The following PLOD3 variants were observed in gnomAD, a reference collection of about 807,000 sequenced individuals.
PLOD3 encodes multifunctional procollagen lysine hydroxylase and glycosyltransferase LH3.
Under a neutral mutation model 96.9 loss-of-function variants are expected in PLOD3, and 73 were observed. The ratio of observed to expected loss-of-function variants is 0.75; its 90% CI spans 0.62 to 0.92. The LOEUF (loss-of-function observed/expected upper bound fraction) is 0.92, where lower values mean the gene tolerates loss of function less well. Ranked by LOEUF, PLOD3 falls within the 40% of genes least tolerant of loss-of-function variation. PLOD3 has a pLI of 0.00. For synonymous variants in PLOD3, 454 were observed against 413.7 expected, an observed-to-expected ratio of 1.10 and a Z score of -1.18; for missense variants, 1,004 against 1,004.3, an observed-to-expected ratio of 1.00 and a Z score of 0.00.
At chr7:101,210,694 G>A (rs767361734) in intron 12 of PLOD3, 21 bp from the exon 13 acceptor site, 1 of 1,612,952 alleles carries the variant, frequency 6.2e-7, no homozygotes, top group South Asian at 1.1e-5. Context: ...CGACACCGCG[G>A]TCAGCTGGGA....
chr7:101,213,048 G>A, intron 7 of PLOD3, 59 bp downstream of exon 7: 2 of 1,096,490 alleles, frequency 1.8e-6, no homozygotes, highest in Non-Finnish European at 2.6e-6. Flanking sequence ...TCTCAGAAGG[G>A]TTGGAGGTGC....
rs1320100190 is a variant in PLOD3 at position 101,206,947 on chromosome 7, G to A, written c.1936-43C>T. 1.6e-5 allele frequency: 24 copies of A among 1,546,036 alleles called. 1 individual carries two copies. The highest frequency in any genetic ancestry group is 7.1e-5 in the South Asian group (6 of 83,948). ...AGAGGCTGCAGGGACAGCTGCGGGC[G>A]CAGGGGGTCTTTTATTTTGTATTAT... On this transcript the variant is annotated intron_variant, in intron 17 of 18. Transcript: ENST00000223127.
intron 16 of PLOD3, among the ~76,000 whole-genome samples, chr7:101,208,046 C>T (rs1584250457): frequency 2.0e-5 from 3 of 152,160 alleles, no homozygotes; most frequent in South Asian, 4.1e-4. Flanking sequence ...AGAGCTCGAC[C>T]GGCATGAGGC....
intron 1 of PLOD3, 48 bp from the exon 2 acceptor site, chr7:101,216,834 G>T: frequency 7.7e-7 from 1 of 1,291,426 alleles, no homozygotes; most frequent in Non-Finnish European, 1.1e-6. Context: ...CCAGCTCCGG[G>T]CCTCACGTGC....
At chr7:101,211,563 CG>C (rs1798180947) in intron 12 of PLOD3, 27 bp downstream of exon 12, 2 of 1,591,792 alleles carry the variant, frequency 1.3e-6, no homozygotes, top group South Asian at 1.1e-5. Flanking sequence ...TCGGAGGAGG[CG>C]GGGGGCTGCA....
Position 101,217,429 on chromosome 7 carries a change from G to A in PLOD3, c.-155C>T. ...GGCTGGGGCTACGCCCTGAAAAAAA[G>A]GCGTATCCGGAGGCTACAGAAAGCT... On this transcript the variant is annotated 5_prime_UTR_variant, in exon 1 of 19. Coordinates refer to ENST00000223127, the MANE Select transcript of PLOD3 (RefSeq NM_001084.5). The A allele has an allele frequency of 3.0e-6, 2 of 669,244 alleles. No individual in the cohort carries two copies. Among genetic ancestry groups the A allele is most frequent in the Non-Finnish European group, 4.5e-6 (2 of 448,546 alleles). The allele number at this position is 669,244 out of a possible 1,614,324, so 41.5% of individuals were successfully genotyped here. A position where few individuals can be genotyped will look rare whatever the true frequency, so the allele number is the denominator to read the frequency against.
chr7:101,217,441 G>A lies in PLOD3; in HGVS notation c.-167C>T, dbSNP rs986134759. On this transcript the variant is annotated 5_prime_UTR_variant, in exon 1 of 19. Transcript: ENST00000223127. Reference sequence around the variant, plus strand: ...GCCCTGAAAAAAAGGCGTATCCGGAGGCTACAGAAAGCTCCAGATGCCGGC... The same window carrying A: ...GCCCTGAAAAAAAGGCGTATCCGGAAGCTACAGAAAGCTCCAGATGCCGGC... 19 of 608,620 alleles carry A rather than the reference G, an allele frequency of 3.1e-5. No individual in the cohort carries two copies. The highest frequency in any genetic ancestry group is 4.7e-4 in the Middle Eastern group (1 of 2,130). 37.7% of individuals were successfully genotyped at this position (608,620 alleles called of 1,614,324 possible).
At chr7:101,215,007 C>A (rs747883072) in intron 6 of PLOD3, 82 bp downstream of exon 6, 5 of 1,048,670 alleles carry the variant, frequency 4.8e-6, no homozygotes, top group African/African-American at 1.6e-5. Context: ...ATCAGCCCAG[C>A]TCCTCCAGAA....
intron 14 of PLOD3, 45 bp downstream of exon 14, chr7:101,210,286 C>CAT: frequency 6.4e-7 from 1 of 1,558,700 alleles, no homozygotes; most frequent in African/African-American, 1.4e-5. Context: ...TTCCTTAGCA[C>CAT]AAGGCGGGGA....
At position 101,216,287 on chromosome 7, in the gene PLOD3, C is replaced by T; in HGVS notation, c.378G>A (p.Leu126=). Residue 126 remains leucine, a synonymous_variant, in exon 4 of 19, where the codon CTG becomes CTA. Transcript: ENST00000223127. ...VILAGSPTEL[L]KKFVQSGSRL... is the part of the protein sequence containing the mutation. Reference sequence around the variant, plus strand: ...GGCTGCCACTCTGGACGAACTTCTTCAGCAGCTCTGTGGGGCTGCCGGCCA... The same window carrying T: ...GGCTGCCACTCTGGACGAACTTCTTTAGCAGCTCTGTGGGGCTGCCGGCCA... 1 of 1,613,544 alleles carries T rather than the reference C, an allele frequency of 6.2e-7. No homozygotes were observed. The highest frequency in any genetic ancestry group is 2.2e-5 in the East Asian group (1 of 44,876).
intron 1 of PLOD3, 149 bp downstream of exon 1, chr7:101,217,017 C>G: frequency 1.1e-6 from 1 of 935,082 alleles, no homozygotes; most frequent in African/African-American, 1.6e-5. Context: ...TAGTGATGGG[C>G]GAGGGGCTTG....
intron 6 of PLOD3, 127 bp from the exon 7 acceptor site, chr7:101,213,331 G>A: frequency 1.4e-6 from 1 of 729,912 alleles, no homozygotes. Flanking sequence ...CCTGGAGTGT[G>A]GCTCGTTGTG....
chr7:101,213,119 G>A lies in PLOD3; in HGVS notation c.765C>T (p.Asn255=), dbSNP rs375364238. 8 of 1,610,954 alleles carry A rather than the reference G, an allele frequency of 5.0e-6. No homozygotes were observed. The highest frequency in any genetic ancestry group is 6.8e-6 in the Non-Finnish European group (8 of 1,177,314). The change falls in exon 7 of 19, where the codon AAC becomes AAT. Residue 255 remains asparagine, a synonymous_variant. Coordinates refer to ENST00000223127, the MANE Select transcript of PLOD3 (RefSeq NM_001084.5). The part of the protein sequence containing the change: ...YDTLPIVVHG[N]GPTKLQLNYL... ...CCACTGGTGGCACCTTAGTGGGACC[G>A]TTTCCATGGACCACAATGGGGAGCG...
chr7:101,216,342 G>T lies in PLOD3; in HGVS notation c.339-16C>A. On this transcript the variant is annotated splice_polypyrimidine_tract_variant and intron_variant, in intron 3 of 18. Transcript: ENST00000223127. ...CACGTCGTAGCTGGGTGAGGAAGGG[G>T]AGGATGGGCAGGGGTCCACTGGGAA... The T allele has an allele frequency of 6.2e-7, 1 of 1,613,426 alleles. No individual in the cohort carries two copies. The highest frequency in any genetic ancestry group is 8.5e-7 in the Non-Finnish European group (1 of 1,180,034).
At chr7:101,210,237 C>CA in intron 14 of PLOD3, 76 bp from the exon 15 acceptor site, 1 of 1,478,200 alleles carries the variant, frequency 6.8e-7, no homozygotes, top group Non-Finnish European at 9.3e-7. Flanking sequence ...CCCTCCCACT[C>CA]AGTGTCCTGC....
Position 101,210,660 on chromosome 7 carries a change from C to T in PLOD3, c.1372G>A (p.Val458Ile). The T allele has an allele frequency of 1.2e-6, 2 of 1,614,050 alleles. No individual in the cohort carries two copies. Among genetic ancestry groups the T allele is most frequent in the East Asian group, 2.2e-5 (1 of 44,884 alleles). The change falls in exon 13 of 19, where the codon GTA becomes ATA. Residue 458 changes from valine to isoleucine, a missense_variant. By Grantham distance (29) the Val-to-Ile change is conservative (BLOSUM62 3). Coordinates refer to ENST00000223127, the MANE Select transcript of PLOD3 (RefSeq NM_001084.5). ...ACATAGGCCTGGGAGATGTATGGTA[C>T]ATTCCACACACCCCTGGAGGCACCG... ...VQRKRVGVWNVPYISQAYVIR... is the reference protein window; with the variant it reads ...VQRKRVGVWNIPYISQAYVIR...
chr7:101,210,322 C>T lies in PLOD3; in HGVS notation c.1614+9G>A. On this transcript the variant is annotated intron_variant, in intron 14 of 18. Coordinates refer to ENST00000223127, the MANE Select transcript of PLOD3 (RefSeq NM_001084.5). ...ACCTGTGTGCTCTGGGCGTGGGGTC[C>T]CCACTCACGACGGGGTTGTCGAAGA... 4 of 1,608,160 alleles carry T rather than the reference C, an allele frequency of 2.5e-6. No individual in the cohort carries two copies. The highest frequency in any genetic ancestry group is 2.2e-5 in the East Asian group (1 of 44,822).
intron 11 of PLOD3, 45 bp downstream of exon 11, chr7:101,211,801 G>T (rs1339276043): frequency 6.3e-7 from 1 of 1,586,160 alleles, no homozygotes. Flanking sequence ...GGTTCCCGGG[G>T]CCTGTTGGGG....
chr7:101,210,068 G>A, intron 15 of PLOD3, 25 bp downstream of exon 15: 4 of 1,508,662 alleles, frequency 2.7e-6, no homozygotes, highest in Non-Finnish European at 3.6e-6. Flanking sequence ...GGCAGGGGGT[G>A]GGTGGGGAGG....
Sources: allele counts gnomAD v4.1 joint callset (sites outside exome capture counted in the v4.1 genomes callset), GRCh38; gene constraint gnomAD v4.1.1; transcripts MANE v1.5; gene names NCBI Gene and HGNC (gene_info 2026-07-23, HGNC 2026-07-21).